The following PTPRD variants were observed in gnomAD, a reference collection of about 807,000 sequenced individuals.
PTPRD encodes the protein receptor-type tyrosine-protein phosphatase delta.
Under a neutral mutation model 214.5 loss-of-function variants are expected in PTPRD, and 34 were observed. The observed-to-expected ratio is 0.16, with a 90% CI of 0.12 to 0.21. PTPRD has a LOEUF of 0.21. PTPRD is among the 10% of genes least tolerant of loss of function. The probability of loss-of-function intolerance (pLI) is 1.00; values close to 1 mark genes in which losing one functional copy is unlikely to be tolerated. For missense variants in PTPRD, 2,545 were observed against 2,398.7 expected, an observed-to-expected ratio of 1.06 and a Z score of -1.27; for synonymous variants, 1,128 against 845.7, an observed-to-expected ratio of 1.33 and a Z score of -5.79.
At chr9:9,057,260 A>T (rs959330673) in intron 10 of PTPRD, among the ~76,000 whole-genome samples, 1 of 152,190 alleles carries the variant, frequency 6.6e-6, no homozygotes, top group Admixed American at 6.6e-5. Flanking sequence ...AAAGCAGTCT[A>T]TTCTTTCTAG....
At chr9:8,702,994 C>T (rs555697155) in intron 12 of PTPRD, among the ~76,000 whole-genome samples, 1 of 152,334 alleles carries the variant, frequency 6.6e-6, no homozygotes, top group African/African-American at 2.4e-5. Flanking sequence ...ACTGGATTGA[C>T]TGGAGAAGTT....
chr9:9,961,209 T>C (rs6477428), intron 4 of PTPRD, among the ~76,000 whole-genome samples: 152,044 of 152,274 alleles, frequency 1, 75,909 homozygotes, highest in Middle Eastern at 1. Flanking sequence ...TACATACTCT[T>C]TCCTTTCAAG....
At chr9:9,421,098 T>C (rs1432362118) in intron 8 of PTPRD, among the ~76,000 whole-genome samples, 1 of 151,986 alleles carries the variant, frequency 6.6e-6, no homozygotes, top group African/African-American at 2.4e-5. Flanking sequence ...TTTGTAAATA[T>C]ACAATTTATG....
At chr9:10,331,916 A>G (rs533219696) in intron 3 of PTPRD, among the ~76,000 whole-genome samples, 2 of 152,012 alleles carry the variant, frequency 1.3e-5, no homozygotes, top group East Asian at 1.9e-4. Context: ...GGAAATATTT[A>G]CTGAGTTATC....
intron 10 of PTPRD, among the ~76,000 whole-genome samples, chr9:9,035,625 C>G (rs2154379777): frequency 7.0e-6 from 1 of 143,112 alleles, no homozygotes; most frequent in East Asian, 2.4e-4. Context: ...ACCTCAATTA[C>G]CAGGTAAAGT....
intron 2 of PTPRD, among the ~76,000 whole-genome samples, chr9:10,385,866 G>C (rs760235386): frequency 6.6e-6 from 1 of 151,608 alleles, no homozygotes; most frequent in African/African-American, 2.4e-5. Context: ...GTAAAGCTTA[G>C]AACAATACTT....
chr9:10,182,379 G>A (rs2099302515), intron 3 of PTPRD, among the ~76,000 whole-genome samples: 1 of 151,656 alleles, frequency 6.6e-6, no homozygotes, highest in African/African-American at 2.4e-5. Flanking sequence ...AAAAGCATCA[G>A]AGAATATACT....
intron 14 of PTPRD, among the ~76,000 whole-genome samples, chr9:8,548,009 A>T (rs1460954638): frequency 6.6e-6 from 1 of 152,220 alleles, no homozygotes; most frequent in African/African-American, 2.4e-5. Flanking sequence ...GTGCATGTGA[A>T]CACAGAAAAT....
chr9:8,401,252 C>G (rs577441393), intron 36 of PTPRD, among the ~76,000 whole-genome samples: 1 of 151,878 alleles, frequency 6.6e-6, no homozygotes, highest in Non-Finnish European at 1.5e-5. Context: ...GCAAACTCCA[C>G]CTCCCAGGCT....
At chr9:9,410,276 G>A (rs1481161584) in intron 8 of PTPRD, among the ~76,000 whole-genome samples, 2 of 152,144 alleles carry the variant, frequency 1.3e-5, no homozygotes, top group Non-Finnish European at 2.9e-5. Context: ...ATAAATCACA[G>A]ACAGAAATTA....
intron 9 of PTPRD, among the ~76,000 whole-genome samples, chr9:9,204,759 A>G (rs1274822143): frequency 2.0e-5 from 3 of 152,194 alleles, no homozygotes; most frequent in Admixed American, 1.3e-4. Context: ...AGCTTTTGAC[A>G]CAGATTTACT....
chr9:8,989,812 A>C (rs977208660), intron 11 of PTPRD, among the ~76,000 whole-genome samples: 11 of 152,176 alleles, frequency 7.2e-5, no homozygotes, highest in African/African-American at 2.4e-4. Context: ...TAAGAGGCAC[A>C]GTGCCAGAAA....
chr9:9,293,172 T>C (rs62532862), intron 9 of PTPRD, among the ~76,000 whole-genome samples: 19,878 of 151,632 alleles, frequency 0.13, 1,661 homozygotes, highest in Middle Eastern at 0.2. Context: ...TTCTTCTGCA[T>C]AGGAGATTTG....
chr9:10,143,297 A>AATAAAATAAT (rs2098999845), intron 3 of PTPRD, among the ~76,000 whole-genome samples: 1 of 151,856 alleles, frequency 6.6e-6, no homozygotes, highest in South Asian at 2.1e-4. Context: ...AATAAAATAA[A>AATAAAATAAT]ATAAAAAAAT....
At chr9:8,881,144 A>G (rs771291851) in intron 11 of PTPRD, among the ~76,000 whole-genome samples, 1 of 152,158 alleles carries the variant, frequency 6.6e-6, no homozygotes, top group Non-Finnish European at 1.5e-5. Flanking sequence ...TGCCTATAAT[A>G]TTTATTAAGC....
chr9:10,096,720 C>T (rs1419233535), intron 3 of PTPRD, among the ~76,000 whole-genome samples: 2 of 151,912 alleles, frequency 1.3e-5, no homozygotes, highest in African/African-American at 4.8e-5. Context: ...GTTTCTTTTG[C>T]TGTGCAGAAG....
chr9:8,743,694 A>G (rs2092404847), intron 11 of PTPRD, among the ~76,000 whole-genome samples: 1 of 152,118 alleles, frequency 6.6e-6, no homozygotes, highest in Non-Finnish European at 1.5e-5. Flanking sequence ...CGGCTTAGGC[A>G]AAGACTTCAT....
At chr9:9,378,287 T>C (rs2061329736) in intron 9 of PTPRD, among the ~76,000 whole-genome samples, 1 of 152,160 alleles carries the variant, frequency 6.6e-6, no homozygotes, top group South Asian at 2.1e-4. Context: ...AGTATATATC[T>C]TTTTCAGATG....
intron 3 of PTPRD, among the ~76,000 whole-genome samples, chr9:10,253,999 T>C (rs993870094): frequency 1.3e-5 from 2 of 152,170 alleles, no homozygotes; most frequent in Non-Finnish European, 2.9e-5. Context: ...GCAATACATA[T>C]GTAATTATGT....
Sources: allele counts gnomAD v4.1 joint callset (sites outside exome capture counted in the v4.1 genomes callset), GRCh38; gene constraint gnomAD v4.1.1; transcripts MANE v1.5; gene names NCBI Gene and HGNC (gene_info 2026-07-23, HGNC 2026-07-21).